Variants in BMP6 observed in about 807,000 individuals in gnomAD.
BMP6 encodes the protein VG-1-R.
In BMP6, 17 loss-of-function variants were observed where a neutral mutation model predicts 54.1. That is an observed-to-expected ratio of 0.31 (90% CI 0.22 to 0.47). The LOEUF (loss-of-function observed/expected upper bound fraction) is 0.47, where lower values mean the gene tolerates loss of function less well. Ranked by LOEUF, BMP6 falls within the 20% of genes least tolerant of loss-of-function variation. The pLI is 1.00. For missense variants in BMP6, 720 were observed against 690.4 expected, an observed-to-expected ratio of 1.04 and a Z score of -0.48; for synonymous variants, 328 against 291.2, an observed-to-expected ratio of 1.13 and a Z score of -1.28.
Position 7,726,123 on chromosome 6 carries a change from G to T in BMP6, c.-833G>T, listed in dbSNP as rs927894795. Among the ~76,000 whole-genome samples the T allele has an allele frequency of 1.1e-4, 17 of 152,236 alleles. No homozygotes were observed. Among genetic ancestry groups the T allele is most frequent in the African/African-American group, 3.9e-4 (16 of 41,468 alleles). On this transcript the variant is annotated 5_prime_UTR_variant, in exon 1 of 7. Transcript: ENST00000283147. The stretch of plus-strand genomic sequence containing the variant: ...CAGAAAGCCCACGTTGGCCGCTGCG[G>T]GGAGCGCGGCGTGGAGAGGCGGGAG...
At chr6:7,837,548 A>G (rs974389511) in intron 1 of BMP6, among the ~76,000 whole-genome samples, 15 of 152,176 alleles carry the variant, frequency 9.9e-5, no homozygotes, top group Non-Finnish European at 2.1e-4. Flanking sequence ...CAGGAATGGA[A>G]AACCAAATAT....
At chr6:7,838,760 G>C (rs1758916935) in intron 1 of BMP6, among the ~76,000 whole-genome samples, 1 of 152,110 alleles carries the variant, frequency 6.6e-6, no homozygotes, top group Non-Finnish European at 1.5e-5. Flanking sequence ...GGCTAATACG[G>C]TGAAACCTCG....
chr6:7,803,600 C>T (rs1307275575), intron 1 of BMP6, among the ~76,000 whole-genome samples: 1 of 152,170 alleles, frequency 6.6e-6, no homozygotes, highest in Non-Finnish European at 1.5e-5. Context: ...AAACTCCCCA[C>T]CCTGCAAGGC....
At chr6:7,873,448 C>T (rs187863530) in intron 4 of BMP6, among the ~76,000 whole-genome samples, 1 of 152,284 alleles carries the variant, frequency 6.6e-6, no homozygotes. Flanking sequence ...GGTGCACCGT[C>T]CTCTTGAAAC....
intron 1 of BMP6, among the ~76,000 whole-genome samples, chr6:7,767,134 C>T (rs1198412413): frequency 6.6e-6 from 1 of 151,508 alleles, no homozygotes; most frequent in Non-Finnish European, 1.5e-5. Context: ...CTACAGGTGC[C>T]GGCCACCACA....
chr6:7,792,403 G>C (rs1351816962), intron 1 of BMP6, among the ~76,000 whole-genome samples: 1 of 152,082 alleles, frequency 6.6e-6, no homozygotes, highest in Non-Finnish European at 1.5e-5. Context: ...TCTCCCTCTG[G>C]GTGGATATTC....
chr6:7,732,403 G>A (rs926316388), intron 1 of BMP6, among the ~76,000 whole-genome samples: 4 of 152,202 alleles, frequency 2.6e-5, no homozygotes, highest in African/African-American at 7.2e-5. Context: ...ACCTCAGATG[G>A]TGTTTCCTCT....
chr6:7,726,440 A>G lies in BMP6; in HGVS notation c.-516A>G, dbSNP rs1207031812. On this transcript the variant is annotated 5_prime_UTR_variant, in exon 1 of 7. Transcript: ENST00000283147. Reference sequence around the variant, plus strand: ...CGCAGCCTGGGCCCTGCAACGGGGTAAACTTCATGGTGGCCCTGCGATCTG... The same window carrying G: ...CGCAGCCTGGGCCCTGCAACGGGGTGAACTTCATGGTGGCCCTGCGATCTG... Among the ~76,000 whole-genome samples the G allele has an allele frequency of 6.6e-6, 1 of 152,114 alleles. No individual in the cohort carries two copies. The highest frequency in any genetic ancestry group is 1.5e-5 in the Non-Finnish European group (1 of 68,004).
At chr6:7,795,777 G>T (rs1301401965) in intron 1 of BMP6, among the ~76,000 whole-genome samples, 1 of 151,896 alleles carries the variant, frequency 6.6e-6, no homozygotes. Context: ...TCAAATGAGT[G>T]GGACTTAGTG....
rs139744824 is a variant in BMP6, at chr6:7,740,743, C to T, written c.664+13124C>T. Among the ~76,000 whole-genome samples the T allele has an allele frequency of 2.4e-3, 358 of 152,288 alleles. 1 individual carries two copies. The highest frequency in any genetic ancestry group is 8.2e-3 in the African/African-American group (341 of 41,546). On this transcript the variant is annotated intron_variant, in intron 1 of 6. Coordinates refer to ENST00000283147, the MANE Select transcript of BMP6 (RefSeq NM_001718.6). ...CTCAGGCTTAACTTCAATCTTTGCC[C>T]TCTCGCCCACATCAAGTCAGTTGCC...
At chr6:7,852,607 G>T (rs571213767) in intron 2 of BMP6, among the ~76,000 whole-genome samples, 1 of 152,154 alleles carries the variant, frequency 6.6e-6, no homozygotes, top group Non-Finnish European at 1.5e-5. Flanking sequence ...AAAAATCTTA[G>T]AAAAATAAAA....
intron 1 of BMP6, among the ~76,000 whole-genome samples, chr6:7,829,212 ACT>A (rs1758750260): frequency 6.6e-6 from 1 of 151,376 alleles, no homozygotes; most frequent in Admixed American, 6.6e-5. Context: ...GTGGAGTTTG[ACT>A]CTCAATTTTT....
Position 7,727,584 on chromosome 6 carries a change from A to G in BMP6, c.629A>G (p.Asn210Ser), listed in dbSNP as rs1761761716. 2 of 1,580,740 alleles carry G rather than the reference A, an allele frequency of 1.3e-6. No homozygotes were observed. Among genetic ancestry groups the G allele is most frequent in the Non-Finnish European group, 1.7e-6 (2 of 1,172,582 alleles). ...AGCGCGCAGGACAGCGCCTTCCTCA[A>G]CGACGCGGACATGGTCATGAGCTTT... ...LTSAQDSAFLNDADMVMSFVN... is the reference protein window; with the variant it reads ...LTSAQDSAFLSDADMVMSFVN... The change falls in exon 1 of 7, where the codon AAC becomes AGC. Residue 210 changes from asparagine (N) to serine (S), a missense_variant. This residue lies in a region of BMP6 where 650 missense variants were observed against 556.3 expected (regional missense o/e 1.17). Coordinates refer to ENST00000283147, the MANE Select transcript of BMP6 (RefSeq NM_001718.6).
intron 1 of BMP6, among the ~76,000 whole-genome samples, chr6:7,738,562 C>CAT (rs56351008): frequency 0.088 from 13,416 of 152,260 alleles, 688 homozygotes; most frequent in Admixed American, 0.12. Context: ...CATTAAATCC[C>CAT]CTCTGTTGTA....
chr6:7,879,040 T>G (rs773566752), intron 4 of BMP6, 34 bp from the exon 5 acceptor site: 2 of 1,593,122 alleles, frequency 1.3e-6, no homozygotes, highest in South Asian at 2.2e-5. Flanking sequence ...GGGTGCATCT[T>G]TTGATGGGTG....
At chr6:7,821,986 C>T (rs574245681) in intron 1 of BMP6, among the ~76,000 whole-genome samples, 106 of 151,840 alleles carry the variant, frequency 7.0e-4, no homozygotes, top group Admixed American at 1.4e-3. Flanking sequence ...CCAGTGAAAC[C>T]ATCAACTGAC....
chr6:7,806,731 A>G (rs536280819), intron 1 of BMP6, among the ~76,000 whole-genome samples: 67 of 152,166 alleles, frequency 4.4e-4, no homozygotes, highest in African/African-American at 1.5e-3. Flanking sequence ...TAAATATTTT[A>G]TACATCCTAA....
intron 1 of BMP6, among the ~76,000 whole-genome samples, chr6:7,766,876 A>G (rs965412541): frequency 6.6e-6 from 1 of 152,100 alleles, no homozygotes; most frequent in Non-Finnish European, 1.5e-5. Context: ...AGAATCAAAT[A>G]CCTTCAGACA....
At chr6:7,768,715 G>A (rs181814496) in intron 1 of BMP6, among the ~76,000 whole-genome samples, 3 of 152,286 alleles carry the variant, frequency 2.0e-5, no homozygotes, top group Admixed American at 6.5e-5. Context: ...GCACAGGGAC[G>A]CAAGGTGTTC....
Sources: allele counts gnomAD v4.1 joint callset (sites outside exome capture counted in the v4.1 genomes callset), GRCh38; gene constraint gnomAD v4.1.1; regional missense constraint gnomAD v4.1.1; transcripts MANE v1.5; gene names NCBI Gene and HGNC (gene_info 2026-07-23, HGNC 2026-07-21).